Variants in BTNL9 observed in about 807,000 individuals in gnomAD.
The protein encoded by BTNL9 is butyrophilin-like protein 9.
BTNL9 carries 45 observed loss-of-function variants against 45.8 expected under a neutral mutation model. The ratio of observed to expected loss-of-function variants is 0.98; its 90% CI spans 0.77 to 1.26. The LOEUF is 1.26. Among genes scored for constraint, BTNL9 ranks in the 50% most tolerant of loss-of-function variants. The pLI is 0.00. For missense variants in BTNL9, 784 were observed against 729.7 expected, an observed-to-expected ratio of 1.07 and a Z score of -0.86; for synonymous variants, 346 against 330.8, an observed-to-expected ratio of 1.05 and a Z score of -0.50.
intron 4 of BTNL9, among the ~76,000 whole-genome samples, chr5:181,052,556 T>C (rs186696605): frequency 4.6e-5 from 7 of 152,210 alleles, no homozygotes; most frequent in African/African-American, 1.4e-4. Context: ...AATAACTAGA[T>C]GACACAGACA....
chr5:181,045,648 G>C (rs553488243), intron 2 of BTNL9, 50 bp downstream of exon 2: 1 of 1,428,494 alleles, frequency 7.0e-7, no homozygotes, highest in African/African-American at 1.4e-5. Context: ...CACCCCTCCT[G>C]CCAGGTGCTC....
rs2113269832 is a variant in BTNL9, at chr5:181,059,582, G to A, written c.1328G>A (p.Arg443His). ...CCGCACCGCGTCGCGCTCACCCTGC[G>A]CGTGCCCCCGCGGCGCCTGGGCGTC... ...LAPHRVALTLRVPPRRLGVFL... is the reference protein window; with the variant it reads ...LAPHRVALTLHVPPRRLGVFL... Residue 443 changes from arginine to histidine, a missense_variant, in exon 11 of 11, where the codon CGC becomes CAC. Physicochemically the swap from Arg to His is conservative, Grantham distance 29. Transcript: ENST00000327705. 3 of 1,612,770 alleles carry A rather than the reference G, an allele frequency of 1.9e-6. No individual in the cohort carries two copies. Among genetic ancestry groups the A allele is most frequent in the African/African-American group, 1.3e-5 (1 of 75,056 alleles).
At chr5:181,054,390 C>T in intron 7 of BTNL9, 131 bp downstream of exon 7, 1 of 1,519,634 alleles carries the variant, frequency 6.6e-7, no homozygotes, top group Non-Finnish European at 8.8e-7. Flanking sequence ...GAGCCTCCAC[C>T]TCTTCCCTTG....
rs1213382092 is a variant in BTNL9 at position 181,048,372 on chromosome 5, T to A, written c.454+101T>A. On this transcript the variant is annotated intron_variant, in intron 3 of 10. Coordinates refer to ENST00000327705, the MANE Select transcript of BTNL9 (RefSeq NM_152547.5). ...AGAACAGAAGAATGTCGGTGATTTT[T>A]AAAAAACATAAAAGCTGATGGATAG... 3.6e-6 allele frequency: 4 copies of A among 1,110,116 alleles called. No individual in the cohort carries two copies. The African/African-American group carries it at 6.3e-5, about 18-fold the overall frequency. 68.8% of individuals were successfully genotyped at this position (1,110,116 alleles called of 1,614,324 possible).
chr5:181,058,830 A>G (rs1197413099), intron 10 of BTNL9, among the ~76,000 whole-genome samples: 3 of 152,078 alleles, frequency 2.0e-5, no homozygotes, highest in Admixed American at 1.3e-4. Flanking sequence ...AAAAAAAAAA[A>G]AATCCAAAAT....
At chr5:181,051,990 G>A (rs373865963) in intron 4 of BTNL9, among the ~76,000 whole-genome samples, 4 of 151,926 alleles carry the variant, frequency 2.6e-5, no homozygotes, top group South Asian at 4.2e-4. Context: ...GGAAACTGCC[G>A]GCTGCTGGCA....
chr5:181,043,310 G>GTC (rs1285869474), intron 1 of BTNL9: 2 of 151,950 alleles, frequency 1.3e-5, no homozygotes, highest in African/African-American at 4.9e-5. Flanking sequence ...GTGTGTGTGT[G>GTC]TCTACAATCC....
Position 181,059,635 on chromosome 5 carries a change from T to G in BTNL9, c.1381T>G (p.Ser461Ala), listed in dbSNP as rs1762069136. ...CCTGGACTACGAGGCCGGAGAGCTG[T>G]CCTTCTTCAACGTGTCCGACGGCTC... is the stretch of plus-strand genomic sequence containing the variant. ...VFLDYEAGELSFFNVSDGSHI... is the reference protein window; with the variant it reads ...VFLDYEAGELAFFNVSDGSHI... The change falls in exon 11 of 11, where the codon TCC (serine) becomes GCC (alanine). Residue 461 changes from serine (S) to alanine (A), a missense_variant. Ser to Ala is a moderately conservative substitution (Grantham distance 99, BLOSUM62 1). Coordinates refer to ENST00000327705, the MANE Select transcript of BTNL9 (RefSeq NM_152547.5). The G allele has an allele frequency of 6.2e-7, 1 of 1,613,594 alleles. No individual in the cohort carries two copies. Among genetic ancestry groups the G allele is most frequent in the Non-Finnish European group, 8.5e-7 (1 of 1,179,938 alleles).
intron 10 of BTNL9, 168 bp from the exon 11 acceptor site, chr5:181,059,069 A>G: frequency 1.4e-6 from 1 of 733,918 alleles, no homozygotes; most frequent in Non-Finnish European, 1.7e-6. Flanking sequence ...TGACTGACAC[A>G]TGCCACTTCA....
Position 181,053,545 on chromosome 5 carries a change from A to C in BTNL9, c.886+44A>C. On this transcript the variant is annotated intron_variant, in intron 6 of 10. Transcript: ENST00000327705. This position sits in a 1 kb window ranked among gnomAD's most constrained non-coding sequence, Gnocchi z 6.5. ...TTCTGCACGCACCTGCCCAAGTGCC[A>C]AAACCCGCCGTCATCTAAAGGCTGT... The C allele has an allele frequency of 6.4e-7, 1 of 1,556,506 alleles. No individual in the cohort carries two copies. Among genetic ancestry groups the C allele is most frequent in the Non-Finnish European group, 8.7e-7 (1 of 1,149,822 alleles).
At chr5:181,045,711 A>C in intron 2 of BTNL9, 113 bp downstream of exon 2, 1 of 813,674 alleles carries the variant, frequency 1.2e-6, no homozygotes, top group Non-Finnish European at 2.0e-6. Flanking sequence ...GCTAAAATAC[A>C]AAAAAGACTT....
In BTNL9 at chr5:181,055,885, G is replaced by T. The variant is rs771979345; in HGVS notation, c.929-104G>T. On this transcript the variant is annotated intron_variant, in intron 8 of 10. Coordinates refer to ENST00000327705, the MANE Select transcript of BTNL9 (RefSeq NM_152547.5). This position sits in a 1 kb window ranked among gnomAD's most constrained non-coding sequence, Gnocchi z 4.4. The stretch of plus-strand genomic sequence containing the variant: ...AGGCAGGACCCCTGCTGGCTATGTG[G>T]GTGGTGGGGGGTGCGGGACAGGGTG... 8 of 1,340,402 alleles carry T rather than the reference G, an allele frequency of 6.0e-6. No individual in the cohort carries two copies. The African/African-American group carries it at 8.6e-5, about 14-fold the overall frequency. 83.0% of individuals were successfully genotyped at this position (1,340,402 alleles called of 1,614,324 possible). A position where few individuals can be genotyped will look rare whatever the true frequency, so the allele number is the denominator to read the frequency against.
At position 181,059,457 on chromosome 5, in the gene BTNL9, C is replaced by G. The variant is rs1335008624; in HGVS notation, c.1203C>G (p.Cys401Trp). The change falls in exon 11 of 11, where the codon TGC becomes TGG. Residue 401 changes from cysteine (C) to tryptophan (W), a missense_variant. Cys to Trp is a radical substitution (Grantham distance 215, BLOSUM62 -2). Transcript: ENST00000327705. Reference sequence around the variant, plus strand: ...GCAGCCGCTGGTTCCTGGGCGCCTGCCTGGCCGCGGTGCCGCGCGCGGGGC... The same window carrying G: ...GCAGCCGCTGGTTCCTGGGCGCCTGGCTGGCCGCGGTGCCGCGCGCGGGGC... ...GRRSRWFLGA[C>W]LAAVPRAGPA... 7 of 1,451,532 alleles carry G rather than the reference C, an allele frequency of 4.8e-6. No homozygotes were observed. The highest frequency in any genetic ancestry group is 2.0e-4 in the Middle Eastern group (1 of 5,070). The allele number at this position is 1,451,532 out of a possible 1,614,324, so 89.9% of individuals were successfully genotyped here.
At position 181,053,131 on chromosome 5, in the gene BTNL9, G is replaced by A. The variant is rs897285867; in HGVS notation, c.737-69G>A. The A allele has an allele frequency of 1.5e-6, 2 of 1,336,240 alleles. No homozygotes were observed. Among genetic ancestry groups the A allele is most frequent in the Non-Finnish European group, 2.0e-6 (2 of 979,936 alleles). 82.8% of individuals were successfully genotyped at this position (1,336,240 alleles called of 1,614,324 possible). A position where few individuals can be genotyped will look rare whatever the true frequency, so the allele number is the denominator to read the frequency against. On this transcript the variant is annotated intron_variant, in intron 4 of 10. Transcript: ENST00000327705. This position sits in a 1 kb window ranked among gnomAD's most constrained non-coding sequence, Gnocchi z 6.5. ...CGGGAGGTTTCCCGGCACGCGGCGG[G>A]CAGGCCGGTCTCGCCTCTCGGTGCT...
At position 181,055,952 on chromosome 5, in the gene BTNL9, G is replaced by A. The variant is rs772034091; in HGVS notation, c.929-37G>A. 4 of 1,614,044 alleles carry A rather than the reference G, an allele frequency of 2.5e-6. No homozygotes were observed. Among genetic ancestry groups the A allele is most frequent in the South Asian group, 2.2e-5 (2 of 91,070 alleles). ...TGTGAGCAGGGAAGCTTGGGGTCCT[G>A]ATGTGCTAATTTCCTGTTTTCCCTT... On this transcript the variant is annotated intron_variant, in intron 8 of 10. Coordinates refer to ENST00000327705, the MANE Select transcript of BTNL9 (RefSeq NM_152547.5). This position sits in a 1 kb window ranked among gnomAD's most constrained non-coding sequence, Gnocchi z 4.4.
chr5:181,044,471 G>A (rs1047556783), intron 1 of BTNL9, among the ~76,000 whole-genome samples: 5 of 152,212 alleles, frequency 3.3e-5, no homozygotes, highest in Non-Finnish European at 5.9e-5. Context: ...AAGACAGTGC[G>A]TGGGCGTTGG....
chr5:181,046,645 C>G (rs954253805), intron 2 of BTNL9, among the ~76,000 whole-genome samples: 1 of 151,548 alleles, frequency 6.6e-6, no homozygotes, highest in Non-Finnish European at 1.5e-5. Flanking sequence ...AAATGGCTGT[C>G]CATTTATGTG....
intron 9 of BTNL9, 91 bp from the exon 10 acceptor site, chr5:181,058,261 G>A: frequency 7.0e-7 from 1 of 1,429,158 alleles, no homozygotes; most frequent in Non-Finnish European, 9.9e-7. Context: ...CGATCTGCAT[G>A]CATCCCTCAT....
intron 2 of BTNL9, 63 bp from the exon 3 acceptor site, chr5:181,047,864 T>A (rs779395235): frequency 7.4e-7 from 1 of 1,359,050 alleles, no homozygotes; most frequent in Non-Finnish European, 1.0e-6. Flanking sequence ...TATAAAGGGG[T>A]GTGATAACTT....
Sources: allele counts gnomAD v4.1 joint callset (sites outside exome capture counted in the v4.1 genomes callset), GRCh38; gene constraint gnomAD v4.1.1; non-coding constraint Gnocchi (gnomAD v3.1); transcripts MANE v1.5; gene names NCBI Gene and HGNC (gene_info 2026-07-23, HGNC 2026-07-21).